Variants in ANTXR2 observed in about 807,000 individuals in gnomAD.
ANTXR2 encodes anthrax toxin receptor 2.
ANTXR2 carries 44 observed loss-of-function variants against 73.7 expected under a neutral mutation model. That is an observed-to-expected ratio of 0.60 (90% confidence interval 0.47 to 0.77). ANTXR2 has a LOEUF of 0.77. ANTXR2 is among the 30% of genes least tolerant of loss of function. The pLI is 0.00. For synonymous variants in ANTXR2, 217 were observed against 205.9 expected, an observed-to-expected ratio of 1.05 and a Z score of -0.46; for missense variants, 604 against 592.5, an observed-to-expected ratio of 1.02 and a Z score of -0.20.
intron 7 of ANTXR2, among the ~76,000 whole-genome samples, chr4:80,050,079 A>C (rs1733705636): frequency 6.6e-6 from 1 of 151,742 alleles, no homozygotes; most frequent in Non-Finnish European, 1.5e-5. Flanking sequence ...AACTATGATG[A>C]TCCACTGTTT....
At chr4:79,915,877 T>TATAC (rs1286818653) in intron 16 of ANTXR2, among the ~76,000 whole-genome samples, 1 of 149,954 alleles carries the variant, frequency 6.7e-6, no homozygotes, top group African/African-American at 2.4e-5. Context: ...TATATATATA[T>TATAC]ACATAAAGAA....
At chr4:79,958,707 A>G (rs1327976418) in intron 16 of ANTXR2, among the ~76,000 whole-genome samples, 1 of 152,158 alleles carries the variant, frequency 6.6e-6, no homozygotes, top group Admixed American at 6.5e-5. Flanking sequence ...GTTAATGGAA[A>G]AGGAACTAAT....
At chr4:79,963,062 T>A (rs1221906756) in intron 16 of ANTXR2, among the ~76,000 whole-genome samples, 1 of 152,130 alleles carries the variant, frequency 6.6e-6, no homozygotes, top group East Asian at 1.9e-4. Context: ...ATCTCTACCA[T>A]CCAGATGCTT....
chr4:79,988,229 TTATATA>T (rs70944756), intron 12 of ANTXR2, among the ~76,000 whole-genome samples: 2,792 of 67,460 alleles, frequency 0.041, 35 homozygotes, highest in Middle Eastern at 0.075. Flanking sequence ...CACATAAATT[TTATATA>T]TATATATATA....
At chr4:79,936,973 AATTG>A (rs1229525920) in intron 16 of ANTXR2, among the ~76,000 whole-genome samples, 1 of 152,176 alleles carries the variant, frequency 6.6e-6, no homozygotes, top group African/African-American at 2.4e-5. Context: ...AGCAATGGAT[AATTG>A]ATTATGTATT....
At chr4:80,004,944 GA>G (rs200233260) in intron 12 of ANTXR2, among the ~76,000 whole-genome samples, 11 of 144,352 alleles carry the variant, frequency 7.6e-5, no homozygotes, top group South Asian at 2.2e-4. Context: ...GCAGAAAAAA[GA>G]AAAAAAAAAC....
intron 10 of ANTXR2, among the ~76,000 whole-genome samples, chr4:80,022,558 T>C (rs544514639): frequency 3.6e-4 from 55 of 152,300 alleles, no homozygotes; most frequent in African/African-American, 1.3e-3. Flanking sequence ...CAACTATACA[T>C]ATTTAGTGTT....
At chr4:80,027,480 C>T (rs961451230) in intron 10 of ANTXR2, among the ~76,000 whole-genome samples, 1 of 152,134 alleles carries the variant, frequency 6.6e-6, no homozygotes, top group Non-Finnish European at 1.5e-5. Flanking sequence ...CAGACAGTGA[C>T]GTCCCACCAC....
intron 16 of ANTXR2, among the ~76,000 whole-genome samples, chr4:79,936,835 TGGTACTACACTAGTAGTACCACACTAAA>T (rs1015679187): frequency 2.2e-4 from 34 of 152,270 alleles, no homozygotes; most frequent in African/African-American, 7.7e-4. Context: ...CCTAGTACAA[TGGTACTACACTAGTAGTACCACACTAAA>T]GGTACTACAC....
chr4:80,051,003 C>T (rs561154675), intron 7 of ANTXR2, among the ~76,000 whole-genome samples: 1 of 151,606 alleles, frequency 6.6e-6, no homozygotes, highest in Non-Finnish European at 1.5e-5. Flanking sequence ...TGATCCTAGC[C>T]AAACCACATT....
In ANTXR2 at chr4:79,902,710, T is replaced by C. The variant is rs1726753026; in HGVS notation, c.*4719A>G. Reference sequence around the variant, plus strand: ...ATTATTATGGCTAATTATCAACATATACTATAGTTCAAGGTATTTTTTTTT... The same window carrying C: ...ATTATTATGGCTAATTATCAACATACACTATAGTTCAAGGTATTTTTTTTT... On this transcript the variant is annotated 3_prime_UTR_variant, in exon 17 of 17. Transcript: ENST00000403729. 1 of 141,956 alleles carries C rather than the reference T, an allele frequency of 7.0e-6. No individual in the cohort carries two copies. The highest frequency in any genetic ancestry group is 1.5e-5 in the Non-Finnish European group (1 of 64,998). The allele number at this position is 141,956 out of a possible 1,614,324, so 8.8% of individuals were successfully genotyped here.
chr4:79,971,666 G>A (rs1729441501), intron 16 of ANTXR2, among the ~76,000 whole-genome samples: 1 of 29,386 alleles, frequency 3.4e-5, no homozygotes, highest in Non-Finnish European at 6.2e-5. Flanking sequence ...CAAGCAATGG[G>A]GAAAGGATTC....
intron 10 of ANTXR2, among the ~76,000 whole-genome samples, chr4:80,026,394 T>C (rs977080407): frequency 6.6e-6 from 1 of 152,216 alleles, no homozygotes; most frequent in Non-Finnish European, 1.5e-5. Flanking sequence ...ATTAAACTTC[T>C]TTCCTTGATA....
At chr4:80,058,056 G>A (rs796325874) in intron 3 of ANTXR2, among the ~76,000 whole-genome samples, 3 of 152,082 alleles carry the variant, frequency 2.0e-5, no homozygotes, top group East Asian at 3.9e-4. Context: ...TCAGAAATGA[G>A]TGGCAGTGTG....
rs1433176964 is a variant in ANTXR2 at position 80,047,473 on chromosome 4, T to G, written c.636+6799A>C. On this transcript the variant is annotated intron_variant, in intron 7 of 16. Coordinates refer to ENST00000403729, the MANE Select transcript of ANTXR2 (RefSeq NM_058172.6). Reference sequence around the variant, plus strand: ...CCTGGACACTTTTGCACCCTTACACTTCTATGAATAGTGCTCCTTTCTATT... The same window carrying G: ...CCTGGACACTTTTGCACCCTTACACGTCTATGAATAGTGCTCCTTTCTATT... 2.0e-5 allele frequency among the ~76,000 whole-genome samples: 3 copies of G among 151,814 alleles called. No homozygotes were observed. In the East Asian group the frequency reaches 5.9e-4, roughly 30 times the overall value.
chr4:79,908,329 G>T (rs1432941534), intron 16 of ANTXR2, among the ~76,000 whole-genome samples: 9 of 152,128 alleles, frequency 5.9e-5, no homozygotes, highest in Non-Finnish European at 1.0e-4. Flanking sequence ...TACAATAGCT[G>T]CTCTCAAAGT....
chr4:79,982,414 T>G (rs1024327952), intron 14 of ANTXR2, among the ~76,000 whole-genome samples: 1 of 152,160 alleles, frequency 6.6e-6, no homozygotes, highest in Non-Finnish European at 1.5e-5. Flanking sequence ...TGGAATGAGA[T>G]GAAATCAAAT....
intron 8 of ANTXR2, 64 bp from the exon 9 acceptor site, chr4:80,033,634 C>G: frequency 7.9e-7 from 1 of 1,261,638 alleles, no homozygotes; most frequent in Admixed American, 2.6e-5. Flanking sequence ...AAAACACAAG[C>G]TGAAATGAAA....
At chr4:79,986,091 G>T (rs1265098238) in intron 12 of ANTXR2, among the ~76,000 whole-genome samples, 2 of 151,814 alleles carry the variant, frequency 1.3e-5, no homozygotes, top group South Asian at 4.1e-4. Context: ...TGATCCACCC[G>T]CCTCGGCCCC....
Sources: gnomAD v4.1 joint callset for allele counts (sites outside exome capture counted in the v4.1 genomes callset) on GRCh38, gnomAD v4.1.1 for gene constraint, MANE v1.5 for transcripts, NCBI Gene and HGNC (gene_info 2026-07-23, HGNC 2026-07-21) for gene names.